Variants in LIPC observed in about 807,000 individuals in gnomAD.
LIPC encodes lipase C, hepatic type.
Under a neutral mutation model 50.7 loss-of-function variants are expected in LIPC, and 44 were observed. The observed-to-expected ratio is 0.87, with a 90% confidence interval of 0.68 to 1.11. LIPC has a LOEUF of 1.11. Among genes scored for constraint, LIPC ranks in the 50% most tolerant of loss-of-function variants. LIPC has a pLI of 0.00. For missense variants in LIPC, 697 were observed against 648.2 expected (o/e 1.08, Z -0.82); for synonymous variants, 271 against 256.4 (o/e 1.06, Z -0.54).
intron 1 of LIPC, among the ~76,000 whole-genome samples, chr15:58,520,436 T>G (rs1418046806): frequency 1.3e-5 from 2 of 152,122 alleles, no homozygotes; most frequent in Non-Finnish European, 2.9e-5. Context: ...CTTAAAGCGC[T>G]CAGCCCTCTC....
intron 1 of LIPC, among the ~76,000 whole-genome samples, chr15:58,472,681 A>T (rs1890853806): frequency 6.6e-6 from 1 of 152,132 alleles, no homozygotes; most frequent in Non-Finnish European, 1.5e-5. Flanking sequence ...AACAAATTGT[A>T]TAAATTTAAA....
chr15:58,433,029 A>G (rs756541253), intron 1 of LIPC, among the ~76,000 whole-genome samples: 2 of 152,188 alleles, frequency 1.3e-5, no homozygotes, highest in Non-Finnish European at 2.9e-5. Context: ...GTATTTGACT[A>G]TTTTACTTCA....
intron 2 of LIPC, 83 bp downstream of exon 2, chr15:58,538,600 A>G: frequency 7.2e-7 from 1 of 1,390,544 alleles, no homozygotes; most frequent in South Asian, 1.2e-5. Flanking sequence ...TCATAAAAAG[A>G]TAGGGAGCTG....
chr15:58,501,242 A>G (rs573281069), intron 1 of LIPC, among the ~76,000 whole-genome samples: 41 of 152,080 alleles, frequency 2.7e-4, no homozygotes, highest in African/African-American at 7.7e-4. Context: ...CCCCTCGCCT[A>G]TATACCTAGA....
intron 1 of LIPC, among the ~76,000 whole-genome samples, chr15:58,471,351 T>C (rs943546465): frequency 8.9e-5 from 13 of 145,718 alleles, no homozygotes; most frequent in Non-Finnish European, 9.0e-5. Flanking sequence ...TCTCACCATG[T>C]TGGCCAAGCT....
intron 1 of LIPC, among the ~76,000 whole-genome samples, chr15:58,506,595 C>T (rs1304210179): frequency 6.6e-6 from 1 of 152,274 alleles, no homozygotes; most frequent in East Asian, 1.9e-4. Context: ...TCCAGGTAGG[C>T]GACAAGATTT....
chr15:58,483,450 G>A (rs1383553818), intron 1 of LIPC, among the ~76,000 whole-genome samples: 2 of 152,182 alleles, frequency 1.3e-5, no homozygotes, highest in African/African-American at 4.8e-5. Context: ...GATCCTGAGG[G>A]TAGAAGAAGA....
At chr15:58,498,266 A>G (rs1389931680) in intron 1 of LIPC, among the ~76,000 whole-genome samples, 3 of 152,072 alleles carry the variant, frequency 2.0e-5, no homozygotes, top group African/African-American at 4.8e-5. Flanking sequence ...AGCCAGCTGG[A>G]CCCCACCTCG....
chr15:58,559,616 G>C (rs1174219364), intron 6 of LIPC, among the ~76,000 whole-genome samples: 1 of 151,304 alleles, frequency 6.6e-6, no homozygotes, highest in Non-Finnish European at 1.5e-5. Context: ...AGAGAATATG[G>C]AGACAAGAGA....
intron 7 of LIPC, among the ~76,000 whole-genome samples, chr15:58,562,929 G>A (rs35412158): frequency 0.029 from 4,401 of 151,932 alleles, 88 homozygotes; most frequent in East Asian, 0.064. Context: ...CTCTGTCAAC[G>A]TTGGGATATT....
rs916830091 is a variant in LIPC, at chr15:58,541,836, T to A, written c.325T>A (p.Ser109Thr). The change falls in exon 3 of 9, where the codon TCT (serine) becomes ACT (threonine). Residue 109 changes from serine (S) to threonine (T), a missense_variant. By Grantham distance (58) the Ser-to-Thr change is moderately conservative. Transcript: ENST00000299022. ...CTGGCAGATGGTGGCCGCGCTGAAG[T>A]CTCAGCCGGCCCAGCCAGTGAACGT... is the stretch of plus-strand genomic sequence containing the variant. ...WIWQMVAALKSQPAQPVNVGL... is the reference protein window; with the variant it reads ...WIWQMVAALKTQPAQPVNVGL... 4.3e-6 allele frequency: 7 copies of A among 1,613,078 alleles called. No homozygotes were observed. The African/African-American group carries it at 8.0e-5, about 18-fold the overall frequency.
chr15:58,457,251 A>T (rs1263917806), intron 1 of LIPC, among the ~76,000 whole-genome samples: 2 of 152,194 alleles, frequency 1.3e-5, no homozygotes, highest in African/African-American at 4.8e-5. Flanking sequence ...CTGGGATTAC[A>T]GGCAGGCACC....
intron 1 of LIPC, among the ~76,000 whole-genome samples, chr15:58,527,449 C>T (rs1008771352): frequency 1.3e-5 from 2 of 152,064 alleles, no homozygotes; most frequent in African/African-American, 2.4e-5. Context: ...CATAAGCTCA[C>T]CTTCCCCCTA....
chr15:58,441,556 C>G (rs1327689533), intron 1 of LIPC, among the ~76,000 whole-genome samples: 2 of 152,124 alleles, frequency 1.3e-5, no homozygotes, highest in Non-Finnish European at 2.9e-5. Context: ...GGGAACACAG[C>G]TGACATCAAT....
intron 1 of LIPC, among the ~76,000 whole-genome samples, chr15:58,518,042 T>G (rs898598586): frequency 7.9e-5 from 12 of 152,362 alleles, no homozygotes; most frequent in Non-Finnish European, 1.5e-4. Flanking sequence ...ACCAACTTCC[T>G]GTGTTGACCC....
At position 58,557,379 on chromosome 15, in the gene LIPC, C is replaced by CT. The variant is rs386383140; in HGVS notation, c.1052-3462dup. Among the ~76,000 whole-genome samples, 341 of 75,626 alleles carry CT rather than the reference C, an allele frequency of 4.5e-3. 49 individuals carry two copies. Among genetic ancestry groups the CT allele is most frequent in the Non-Finnish European group, 5.7e-3 (250 of 43,654 alleles). 49.6% of individuals were successfully genotyped at this position (75,626 alleles called of 152,430 possible). ...ATCATGCATACTGCCATTATATGCT[C>CT]TTTTTTTTTTTTTTTTTTTTTTTGA... is the stretch of plus-strand genomic sequence containing the variant. On this transcript the variant is annotated intron_variant, in intron 6 of 8. Coordinates refer to ENST00000299022, the MANE Select transcript of LIPC (RefSeq NM_000236.3).
At chr15:58,506,837 G>A (rs893065819) in intron 1 of LIPC, among the ~76,000 whole-genome samples, 8 of 152,170 alleles carry the variant, frequency 5.3e-5, no homozygotes, top group East Asian at 1.9e-4. Flanking sequence ...AGAAATACCC[G>A]AGACTAGGAA....
At chr15:58,470,464 T>A (rs1274712371) in intron 1 of LIPC, among the ~76,000 whole-genome samples, 1 of 152,120 alleles carries the variant, frequency 6.6e-6, no homozygotes, top group Non-Finnish European at 1.5e-5. Context: ...ACTCAATTGT[T>A]AAATGTAACT....
At chr15:58,472,908 T>A (rs1294728052) in intron 1 of LIPC, among the ~76,000 whole-genome samples, 1 of 152,198 alleles carries the variant, frequency 6.6e-6, no homozygotes, top group African/African-American at 2.4e-5. Flanking sequence ...CCCAGGTGTG[T>A]CTGACTACGG....
Sources: allele counts gnomAD v4.1 joint callset (sites outside exome capture counted in the v4.1 genomes callset), GRCh38; gene constraint gnomAD v4.1.1; transcripts MANE v1.5; gene names NCBI Gene and HGNC (gene_info 2026-07-23, HGNC 2026-07-21).